Variants in CDH4 observed in about 807,000 individuals in gnomAD.
The protein encoded by CDH4 is cadherin 4.
In CDH4, 33 loss-of-function variants were observed where a neutral mutation model predicts 86.0. That is an observed-to-expected ratio of 0.38 (90% confidence interval 0.29 to 0.51). The LOEUF is 0.51. CDH4 is among the 20% of genes least tolerant of loss of function. The pLI is 0.86. For synonymous variants in CDH4, 555 were observed against 549.4 expected (o/e 1.01, Z -0.14); for missense variants, 1,114 against 1,307.4 (o/e 0.85, Z 2.28).
At chr20:61,795,003 G>A (rs551541410) in intron 4 of CDH4, among the ~76,000 whole-genome samples, 2 of 150,338 alleles carry the variant, frequency 1.3e-5, no homozygotes, top group South Asian at 4.3e-4. Context: ...TTCCTCCACT[G>A]GGATGATGGT....
At chr20:61,894,401 C>T (rs536962448) in intron 7 of CDH4, among the ~76,000 whole-genome samples, 10 of 152,358 alleles carry the variant, frequency 6.6e-5, no homozygotes, top group South Asian at 4.1e-4. Context: ...CTTGCATCTC[C>T]GCACCTGCAC....
At chr20:61,499,561 A>G (rs531949392) in intron 2 of CDH4, 1 of 1,259,938 alleles carries the variant, frequency 7.9e-7, no homozygotes, top group South Asian at 1.3e-5. Flanking sequence ...CTGGGCCCTG[A>G]TGCTTCAGAC....
intron 9 of CDH4, among the ~76,000 whole-genome samples, chr20:61,920,596 C>T (rs971284827): frequency 1.3e-4 from 20 of 148,836 alleles, no homozygotes; most frequent in East Asian, 2.1e-4. Flanking sequence ...TGCGTGGAAG[C>T]GTGGTGTCAC....
At chr20:61,859,953 C>T (rs958632843) in intron 6 of CDH4, among the ~76,000 whole-genome samples, 9 of 152,250 alleles carry the variant, frequency 5.9e-5, no homozygotes. Context: ...ACGGCACTGC[C>T]GCGTGACCAC....
chr20:61,721,193 G>A (rs914992546), intron 2 of CDH4, among the ~76,000 whole-genome samples: 2 of 152,178 alleles, frequency 1.3e-5, no homozygotes, highest in Non-Finnish European at 2.9e-5. Flanking sequence ...CAGCCAGAAG[G>A]GTCCAGTCCA....
intron 4 of CDH4, among the ~76,000 whole-genome samples, chr20:61,827,632 A>G (rs1001533197): frequency 3.9e-5 from 6 of 152,250 alleles, no homozygotes; most frequent in African/African-American, 1.4e-4. Context: ...GACCAGCCCA[A>G]TAGCACTGAA....
chr20:61,796,261 T>A (rs1032684011), intron 4 of CDH4, among the ~76,000 whole-genome samples: 19 of 152,050 alleles, frequency 1.2e-4, no homozygotes, highest in African/African-American at 4.1e-4. Flanking sequence ...CAGCCAGGAA[T>A]CTCCAGAGCA....
At chr20:61,314,320 A>G (rs770998391) in intron 2 of CDH4, among the ~76,000 whole-genome samples, 1 of 152,108 alleles carries the variant, frequency 6.6e-6, no homozygotes, top group Non-Finnish European at 1.5e-5. Context: ...CTCTGCTTCT[A>G]TGAGTTTGAC....
intron 2 of CDH4, among the ~76,000 whole-genome samples, chr20:61,410,807 A>G (rs2801503): frequency 2.0e-5 from 3 of 149,162 alleles, no homozygotes; most frequent in Admixed American, 1.3e-4. Context: ...TTGTCCTTCC[A>G]TCCATCTTCC....
At chr20:61,635,199 G>T (rs1370358479) in intron 2 of CDH4, among the ~76,000 whole-genome samples, 2 of 152,180 alleles carry the variant, frequency 1.3e-5, no homozygotes, top group African/African-American at 4.8e-5. Flanking sequence ...AGGTTTAATT[G>T]TGTAAGGAAC....
chr20:61,701,172 T>C (rs760198118), intron 2 of CDH4, among the ~76,000 whole-genome samples: 9 of 152,170 alleles, frequency 5.9e-5, no homozygotes, highest in South Asian at 2.1e-4. Flanking sequence ...TCTGGGAGTG[T>C]GTCTGTGCCC....
At chr20:61,636,041 C>T (rs894014214) in intron 2 of CDH4, among the ~76,000 whole-genome samples, 5 of 152,238 alleles carry the variant, frequency 3.3e-5, no homozygotes, top group African/African-American at 4.8e-5. Flanking sequence ...ACGCCAGCGG[C>T]TGGGCCTGCT....
intron 2 of CDH4, among the ~76,000 whole-genome samples, chr20:61,578,116 A>G (rs574553034): frequency 6.6e-6 from 1 of 152,102 alleles, no homozygotes; most frequent in South Asian, 2.1e-4. Context: ...CATTCCCCAT[A>G]TGTCCTCTCT....
chr20:61,883,363 C>T (rs1004439295), intron 7 of CDH4, among the ~76,000 whole-genome samples: 7 of 152,302 alleles, frequency 4.6e-5, no homozygotes, highest in East Asian at 3.9e-4. Flanking sequence ...CAACCTAGGG[C>T]GACGTCTTTC....
In CDH4 at chr20:61,357,804, C is replaced by T. The variant is rs376493697; in HGVS notation, c.169+102867C>T. 1.1e-3 allele frequency among the ~76,000 whole-genome samples: 164 copies of T among 152,340 alleles called. 1 individual carries two copies. Among genetic ancestry groups the T allele is most frequent in the African/African-American group, 3.7e-3 (154 of 41,584 alleles). On this transcript the variant is annotated intron_variant, in intron 2 of 15. Coordinates refer to ENST00000614565, the MANE Select transcript of CDH4 (RefSeq NM_001794.5). Reference sequence around the variant, plus strand: ...CGGCCTCACAAAGCAGACCCGTGTGCCAGCCAGGACCACATGCCTGCAAGT... The same window carrying T: ...CGGCCTCACAAAGCAGACCCGTGTGTCAGCCAGGACCACATGCCTGCAAGT...
chr20:61,445,790 G>A (rs964424225), intron 2 of CDH4, among the ~76,000 whole-genome samples: 2 of 152,264 alleles, frequency 1.3e-5, no homozygotes, highest in African/African-American at 2.4e-5. Context: ...CCCAGGATGT[G>A]ACGTGCTGGC....
chr20:61,543,347 A>G (rs2086054436), intron 2 of CDH4, among the ~76,000 whole-genome samples: 1 of 152,216 alleles, frequency 6.6e-6, no homozygotes, highest in Admixed American at 6.5e-5. Context: ...GAGCAATGGA[A>G]ATGCTGAAGT....
At chr20:61,524,224 C>T (rs1349412670) in intron 2 of CDH4, among the ~76,000 whole-genome samples, 2 of 152,150 alleles carry the variant, frequency 1.3e-5, no homozygotes, top group Non-Finnish European at 2.9e-5. Flanking sequence ...CTGTTTCTAC[C>T]TGGAATGCTT....
intron 2 of CDH4, chr20:61,718,860 T>A (rs1466603965): frequency 2.1e-6 from 1 of 471,022 alleles, no homozygotes; most frequent in Non-Finnish European, 4.4e-6. Context: ...GACTTCACTG[T>A]TCCTGCTGTC....
Sources: gnomAD v4.1 joint callset for allele counts (sites outside exome capture counted in the v4.1 genomes callset) on GRCh38, gnomAD v4.1.1 for gene constraint, MANE v1.5 for transcripts, NCBI Gene and HGNC (gene_info 2026-07-23, HGNC 2026-07-21) for gene names.